Variants in RNASEH2B observed in about 807,000 individuals in gnomAD.
RNASEH2B encodes ribonuclease H2 subunit B, also known as Aicardi-Goutieres syndrome 2 protein.
A neutral mutation model predicts 45.0 loss-of-function variants in RNASEH2B; 36 were observed. That is an observed-to-expected ratio of 0.80 (90% CI 0.61 to 1.06). The LOEUF is 1.06. Among genes scored for constraint, RNASEH2B ranks in the 50% least tolerant of loss-of-function variants. The pLI is 0.00. For synonymous variants in RNASEH2B, 119 were observed against 125.7 expected (o/e 0.95, Z 0.35); for missense variants, 361 against 360.3 (o/e 1.00, Z -0.02).
intron 9 of RNASEH2B, among the ~76,000 whole-genome samples, chr13:50,949,845 A>G (rs2138006456): frequency 6.6e-6 from 1 of 152,350 alleles, no homozygotes; most frequent in Non-Finnish European, 1.5e-5. Flanking sequence ...TACTCTATAT[A>G]TAACTAAAAC....
At chr13:50,913,963 A>G (rs1377693082) in intron 1 of RNASEH2B, among the ~76,000 whole-genome samples, 2 of 152,204 alleles carry the variant, frequency 1.3e-5, no homozygotes, top group Non-Finnish European at 2.9e-5. Flanking sequence ...TAAAAAATAA[A>G]TTTAAAAGGA....
chr13:50,937,367 A>T (rs1951768194), intron 5 of RNASEH2B: 1 of 152,116 alleles, frequency 6.6e-6, no homozygotes, highest in Non-Finnish European at 1.5e-5. Flanking sequence ...GACCACAGGC[A>T]CAAGCCACCA....
chr13:50,947,519 T>C (rs1951918126), intron 7 of RNASEH2B, among the ~76,000 whole-genome samples: 1 of 151,988 alleles, frequency 6.6e-6, no homozygotes, highest in Admixed American at 6.6e-5. Context: ...AGTAGAGACA[T>C]GGTATTTTAT....
intron 4 of RNASEH2B, among the ~76,000 whole-genome samples, chr13:50,933,633 G>C (rs1951710482): frequency 1.3e-5 from 2 of 151,976 alleles, no homozygotes; most frequent in Non-Finnish European, 2.9e-5. Context: ...TTATAGTCAA[G>C]GCAGGTTGCT....
chr13:50,915,374 C>G, intron 1 of RNASEH2B: 1 of 398,586 alleles, frequency 2.5e-6, no homozygotes, highest in Non-Finnish European at 4.4e-6. Context: ...CTGCTCTTCA[C>G]TTTATCTACC....
chr13:50,930,531 C>A, intron 3 of RNASEH2B, 152 bp from the exon 4 acceptor site: 1 of 693,394 alleles, frequency 1.4e-6, no homozygotes, highest in Non-Finnish European at 2.6e-6. Context: ...TTGAGAGAAT[C>A]ACATAGACTC....
chr13:50,957,447 C>CTG (rs1427885694), downstream of RNASEH2B, among the ~76,000 whole-genome samples: 1 of 152,118 alleles, frequency 6.6e-6, no homozygotes, highest in Non-Finnish European at 1.5e-5. Context: ...TCTTTTATGG[C>CTG]TGTGTAGTAT....
chr13:50,916,844 G>T (rs930867479), intron 1 of RNASEH2B, among the ~76,000 whole-genome samples: 1 of 152,146 alleles, frequency 6.6e-6, no homozygotes, highest in Non-Finnish European at 1.5e-5. Context: ...TTCCTTAGCA[G>T]GTTCACATCC....
intron 1 of RNASEH2B, 136 bp downstream of exon 1, chr13:50,910,276 T>A: frequency 1.8e-6 from 1 of 545,144 alleles, no homozygotes; most frequent in Non-Finnish European, 2.9e-6. Context: ...CTGGGACAGC[T>A]GGCCCCGCAT....
chr13:50,915,990 C>T (rs1191729123), intron 1 of RNASEH2B, among the ~76,000 whole-genome samples: 1 of 150,420 alleles, frequency 6.6e-6, no homozygotes, highest in Non-Finnish European at 1.5e-5. Context: ...GACCAGTTAA[C>T]TCTACATTTA....
chr13:50,933,548 T>C (rs1163334491), intron 4 of RNASEH2B, among the ~76,000 whole-genome samples: 1 of 152,256 alleles, frequency 6.6e-6, no homozygotes, highest in Non-Finnish European at 1.5e-5. Context: ...TTTTGAAATG[T>C]GACCTGTTCT....
At chr13:50,911,358 G>A (rs1879384001) in intron 1 of RNASEH2B, 1 of 152,232 alleles carries the variant, frequency 6.6e-6, no homozygotes, top group Admixed American at 6.5e-5. Context: ...TGCTGCTTCT[G>A]TTTAATTGTA....
At chr13:50,961,367 C>A (rs148678900), downstream of RNASEH2B, among the ~76,000 whole-genome samples, 3,466 of 152,074 alleles carry the variant, frequency 0.023, 61 homozygotes, top group African/African-American at 0.044. Context: ...TTGCTTCTTC[C>A]CTCATTTATG....
chr13:50,922,221 T>C (rs1566076884), intron 1 of RNASEH2B, among the ~76,000 whole-genome samples: 2 of 152,088 alleles, frequency 1.3e-5, no homozygotes, highest in South Asian at 2.1e-4. Flanking sequence ...GTTGCGCAAA[T>C]AAAAACCTGG....
intron 1 of RNASEH2B, among the ~76,000 whole-genome samples, chr13:50,920,791 G>GT (rs1951514440): frequency 6.6e-6 from 1 of 152,036 alleles, no homozygotes; most frequent in Non-Finnish European, 1.5e-5. Flanking sequence ...TTTTTATTGA[G>GT]TTTTTTCTAA....
intron 8 of RNASEH2B, 188 bp downstream of exon 8, chr13:50,948,256 C>G: frequency 1.2e-6 from 1 of 856,916 alleles, no homozygotes; most frequent in East Asian, 3.0e-5. Context: ...TTGATGGATA[C>G]GGATTGCAGG....
intron 9 of RNASEH2B, chr13:50,969,910 CAT>C (rs1198238717): frequency 1.3e-6 from 2 of 1,550,862 alleles, no homozygotes; most frequent in Admixed American, 2.0e-5. Context: ...GGACACACCA[CAT>C]GTTTTCCTTT....
intron 4 of RNASEH2B, among the ~76,000 whole-genome samples, chr13:50,931,955 T>TACACACACACACACACAC (rs60335654): frequency 4.7e-5 from 7 of 149,034 alleles, no homozygotes; most frequent in East Asian, 3.9e-4. Context: ...CATCTCATTT[T>TACACACACACACACACAC]ACACACACAC....
downstream of RNASEH2B, among the ~76,000 whole-genome samples, chr13:50,960,875 T>C (rs1486994262): frequency 6.6e-6 from 1 of 152,198 alleles, no homozygotes; most frequent in Non-Finnish European, 1.5e-5. Flanking sequence ...TTAAGAATCT[T>C]AGAGGTAAAA....
Sources: gnomAD v4.1 joint callset for allele counts (sites outside exome capture counted in the v4.1 genomes callset) on GRCh38, gnomAD v4.1.1 for gene constraint, MANE v1.5 for transcripts, NCBI Gene and HGNC (gene_info 2026-07-23, HGNC 2026-07-21) for gene names.